The following KCNH5 variants were observed in gnomAD, a reference collection of about 807,000 sequenced individuals.
The protein encoded by KCNH5 is voltage-gated delayed rectifier potassium channel KCNH5.
KCNH5 carries 46 observed loss-of-function variants against 96.1 expected under a neutral mutation model. The ratio of observed to expected loss-of-function variants is 0.48; its 90% CI spans 0.38 to 0.61. The LOEUF (loss-of-function observed/expected upper bound fraction) is 0.61, where lower values mean the gene tolerates loss of function less well. KCNH5 is among the 20% of genes least tolerant of loss of function. The probability of loss-of-function intolerance (pLI) is 0.00; values close to 1 mark genes in which losing one functional copy is unlikely to be tolerated. For missense variants in KCNH5, 907 were observed against 1,225.8 expected, an observed-to-expected ratio of 0.74 and a Z score of 3.88; for synonymous variants, 439 against 449.8, an observed-to-expected ratio of 0.98 and a Z score of 0.30.
chr14:62,844,142 T>C (rs1887645265), intron 8 of KCNH5, among the ~76,000 whole-genome samples: 1 of 152,190 alleles, frequency 6.6e-6, no homozygotes, highest in Non-Finnish European at 1.5e-5. Flanking sequence ...TATAATAGCA[T>C]CTTCCTACTG....
At chr14:62,945,284 A>T (rs926101718) in intron 7 of KCNH5, among the ~76,000 whole-genome samples, 1 of 152,094 alleles carries the variant, frequency 6.6e-6, no homozygotes, top group Non-Finnish European at 1.5e-5. Flanking sequence ...CAACTCAGCT[A>T]AAGGAATGAC....
intron 3 of KCNH5, among the ~76,000 whole-genome samples, chr14:63,003,395 G>C (rs1232568390): frequency 6.9e-6 from 1 of 144,162 alleles, no homozygotes; most frequent in African/African-American, 2.6e-5. Context: ...TGACTTGGAG[G>C]AGCCTCGGCT....
At chr14:63,002,584 A>G (rs1397338493) in intron 3 of KCNH5, among the ~76,000 whole-genome samples, 1 of 152,172 alleles carries the variant, frequency 6.6e-6, no homozygotes, top group East Asian at 1.9e-4. Context: ...CTAGCCTTTT[A>G]CTAGCTTCCA....
At chr14:62,801,941 T>C (rs1886669985) in intron 9 of KCNH5, among the ~76,000 whole-genome samples, 2 of 152,222 alleles carry the variant, frequency 1.3e-5, no homozygotes, top group East Asian at 1.9e-4. Flanking sequence ...GGCTCCTCTC[T>C]AAAGAAAAGG....
Position 62,755,268 on chromosome 14 carries a change from C to T in KCNH5, c.2019+24460G>A, listed in dbSNP as rs543184156. Among the ~76,000 whole-genome samples the T allele has an allele frequency of 1.1e-4, 16 of 152,050 alleles. No individual in the cohort carries two copies. The South Asian group carries it at 2.9e-3, about 28-fold the overall frequency. On this transcript the variant is annotated intron_variant, in intron 10 of 10. Coordinates refer to ENST00000322893, the MANE Select transcript of KCNH5 (RefSeq NM_139318.5). ...AAAGGATAAAGTATAACCAATACAG[C>T]AGAAATTCAAAGAATCATTAGAGGC...
At chr14:62,970,102 G>A (rs979112572) in intron 6 of KCNH5, among the ~76,000 whole-genome samples, 46 of 130,350 alleles carry the variant, frequency 3.5e-4, no homozygotes, top group Admixed American at 3.9e-4. Context: ...TCAGGCTAAC[G>A]AAACAAGAGA....
intron 9 of KCNH5, among the ~76,000 whole-genome samples, chr14:62,793,638 A>G (rs1225048182): frequency 6.6e-6 from 1 of 151,632 alleles, no homozygotes; most frequent in Non-Finnish European, 1.5e-5. Flanking sequence ...ACCTTATGCT[A>G]TATTATTTAT....
chr14:62,868,237 G>A (rs1475597692), intron 7 of KCNH5, among the ~76,000 whole-genome samples: 1 of 152,184 alleles, frequency 6.6e-6, no homozygotes, highest in African/African-American at 2.4e-5. Context: ...TTCCCACCAG[G>A]AACTTGCCCA....
In KCNH5 at chr14:63,003,916, G is replaced by C. The variant is rs187083720; in HGVS notation, c.304+2450C>G. Among the ~76,000 whole-genome samples, 6 of 151,916 alleles carry C rather than the reference G, an allele frequency of 3.9e-5. No individual in the cohort carries two copies. In the South Asian group the frequency reaches 1.0e-3, roughly 26 times the overall value. ...ATTACAGGTGTCAGCCACCGCGCCC[G>C]GCCAGAAAGAGCTATCTTAAGCTCA... is the stretch of plus-strand genomic sequence containing the variant. On this transcript the variant is annotated intron_variant, in intron 3 of 10. Coordinates refer to ENST00000322893, the MANE Select transcript of KCNH5 (RefSeq NM_139318.5).
At chr14:62,814,782 C>CAAATAA (rs1886941987) in intron 8 of KCNH5, among the ~76,000 whole-genome samples, 2 of 33,750 alleles carry the variant, frequency 5.9e-5, no homozygotes, top group Admixed American at 5.7e-4. Context: ...GACTCCATCT[C>CAAATAA]AAAAAAAAAA....
intron 10 of KCNH5, chr14:62,712,363 A>G (rs1214942347): frequency 2.5e-6 from 1 of 394,998 alleles, no homozygotes; most frequent in East Asian, 4.2e-5. Flanking sequence ...CCACACACGT[A>G]TTTTCTCATT....
At chr14:62,741,400 C>T (rs751623330) in intron 10 of KCNH5, among the ~76,000 whole-genome samples, 13 of 152,110 alleles carry the variant, frequency 8.5e-5, no homozygotes, top group Non-Finnish European at 1.5e-4. Context: ...TGGTTGCAAC[C>T]TACCTGCACA....
At chr14:62,861,948 C>G (rs1038601534) in intron 7 of KCNH5, among the ~76,000 whole-genome samples, 1 of 152,096 alleles carries the variant, frequency 6.6e-6, no homozygotes, top group Non-Finnish European at 1.5e-5. Flanking sequence ...GAAAATACAA[C>G]AAGTCCTCTC....
At chr14:63,031,674 A>C (rs1034503452) in intron 1 of KCNH5, among the ~76,000 whole-genome samples, 6 of 152,182 alleles carry the variant, frequency 3.9e-5, no homozygotes, top group African/African-American at 1.2e-4. Flanking sequence ...CTAATGCACA[A>C]CATGAGGACT....
rs1341059390 is a variant in KCNH5, at chr14:63,003,608, T to TTATATTTATATATA, written c.305-2150_305-2149insTATATATAAATATA. On this transcript the variant is annotated intron_variant, in intron 3 of 10. Coordinates refer to ENST00000322893, the MANE Select transcript of KCNH5 (RefSeq NM_139318.5). Reference sequence around the variant, plus strand: ...AATATATATATTTATATATTTATATTTATATATATATATATATTTTTTTTT... The same window carrying TTATATTTATATATA: ...AATATATATATTTATATATTTATATTTATATTTATATATATATATATATATATATATTTTTTTTT... Among the ~76,000 whole-genome samples, 7 of 115,452 alleles carry TTATATTTATATATA rather than the reference T, an allele frequency of 6.1e-5. No homozygotes were observed. In the East Asian group the frequency reaches 8.6e-4, roughly 14 times the overall value. The allele number at this position is 115,452 out of a possible 152,430, so 75.7% of individuals were successfully genotyped here.
chr14:62,812,205 T>C (rs1886886611), intron 8 of KCNH5, among the ~76,000 whole-genome samples: 1 of 152,188 alleles, frequency 6.6e-6, no homozygotes, highest in South Asian at 2.1e-4. Context: ...ATGCTGATTT[T>C]TGAAAATTAT....
At chr14:63,004,743 T>G (rs1891094485) in intron 3 of KCNH5, among the ~76,000 whole-genome samples, 1 of 152,220 alleles carries the variant, frequency 6.6e-6, no homozygotes. Flanking sequence ...TAGCTGGGAC[T>G]ATAGGCATGT....
intron 10 of KCNH5, among the ~76,000 whole-genome samples, chr14:62,757,914 G>A (rs553986420): frequency 1.5e-4 from 23 of 152,188 alleles, no homozygotes; most frequent in Middle Eastern, 3.4e-3. Context: ...GGGAGGCTAC[G>A]GTGGGTGGAT....
chr14:63,006,272 T>C lies in KCNH5; in HGVS notation c.304+94A>G, dbSNP rs931478200. 10 of 655,064 alleles carry C rather than the reference T, an allele frequency of 1.5e-5. No individual in the cohort carries two copies. In the African/African-American group the frequency reaches 1.8e-4, roughly 12 times the overall value. 40.6% of individuals were successfully genotyped at this position (655,064 alleles called of 1,614,324 possible). A position where few individuals can be genotyped will look rare whatever the true frequency, so the allele number is the denominator to read the frequency against. On this transcript the variant is annotated intron_variant, in intron 3 of 10. Transcript: ENST00000322893. The stretch of plus-strand genomic sequence containing the variant: ...TGCCAAGAAAAGAAGCAACAGAAGG[T>C]TTACATGCTCTCTACATTTTAGCTC...
Sources: allele counts gnomAD v4.1 joint callset (sites outside exome capture counted in the v4.1 genomes callset), GRCh38; gene constraint gnomAD v4.1.1; transcripts MANE v1.5; gene names NCBI Gene and HGNC (gene_info 2026-07-23, HGNC 2026-07-21).